Variants in NOS1 observed in about 807,000 individuals in gnomAD.
NOS1 encodes NOS type I.
In NOS1, 51 loss-of-function variants were observed where a neutral mutation model predicts 164.5. The ratio of observed to expected loss-of-function variants is 0.31; its 90% CI spans 0.25 to 0.39. The LOEUF (loss-of-function observed/expected upper bound fraction) is 0.39. NOS1 is among the 10% of genes least tolerant of loss of function. The probability of loss-of-function intolerance (pLI) is 1.00; values close to 1 mark genes in which losing one functional copy is unlikely to be tolerated. For missense variants in NOS1, 1,362 were observed against 1,885.6 expected, an observed-to-expected ratio of 0.72 and a Z score of 5.14; for synonymous variants, 719 against 745.8, an observed-to-expected ratio of 0.96 and a Z score of 0.59.
rs776853087 is a variant in NOS1 at position 117,268,024 on chromosome 12, G to A, written c.1941+19C>T. 7.1e-6 allele frequency: 11 copies of A among 1,554,578 alleles called. No homozygotes were observed. Among genetic ancestry groups the A allele is most frequent in the Non-Finnish European group, 9.8e-6 (11 of 1,127,018 alleles). ...TCTCATTTGAAGCTTGACCCTGGTG[G>A]TGCGGGCCCTGGTGTTACCTGGAAG... On this transcript the variant is annotated intron_variant, in intron 11 of 28. Transcript: ENST00000317775.
In NOS1 at chr12:117,323,658, G is replaced by A. The variant is rs901285687; in HGVS notation, c.725+6687C>T. Among the ~76,000 whole-genome samples, 4 of 152,274 alleles carry A rather than the reference G, an allele frequency of 2.6e-5. No individual in the cohort carries two copies. In the South Asian group the frequency reaches 6.2e-4, roughly 24 times the overall value. On this transcript the variant is annotated intron_variant, in intron 2 of 28. Transcript: ENST00000317775. ...TTGACCAGACTCATAATTATAAAAC[G>A]TAGGCTTGCCACAGAAGGAGCTTTC...
rs772628462 is a variant in NOS1, at chr12:117,291,654, C to A, written c.853-1228G>T. ...GCTCAAGCAATCCTTCCACCTCACC[C>A]TCCCAAGTAGCTGGGACTACAGGTG... On this transcript the variant is annotated intron_variant, in intron 3 of 28. Transcript: ENST00000317775. Among the ~76,000 whole-genome samples, 81 of 151,170 alleles carry A rather than the reference C, an allele frequency of 5.4e-4. 1 individual carries two copies. The highest frequency in any genetic ancestry group is 1.5e-4 in the Non-Finnish European group (10 of 67,852).
Position 117,274,788 on chromosome 12 carries a change from A to AG in NOS1, c.1665-2230_1665-2229insC, listed in dbSNP as rs1270721092. On this transcript the variant is annotated intron_variant, in intron 9 of 28. Transcript: ENST00000317775. ...GTCTCACAAAAAAAAAAAAAAAAAA[A>AG]AAAGAAAGGACATTAACATGTCAAA... Among the ~76,000 whole-genome samples, 43 of 151,182 alleles carry AG rather than the reference A, an allele frequency of 2.8e-4. 1 individual carries two copies. The highest frequency in any genetic ancestry group is 1.1e-3 in the Admixed American group (16 of 15,174).
intron 1 of NOS1, among the ~76,000 whole-genome samples, chr12:117,343,189 G>T (rs976353040): frequency 6.6e-6 from 1 of 150,832 alleles, no homozygotes; most frequent in Admixed American, 6.6e-5. Flanking sequence ...AATTAACTAC[G>T]ATTGTGCCAT....
In NOS1 at chr12:117,227,433, C is replaced by T. The variant is rs753666274; in HGVS notation, c.3614G>A (p.Arg1205Gln). The T allele has an allele frequency of 3.0e-5, 48 of 1,613,884 alleles. No homozygotes were observed. The highest frequency in any genetic ancestry group is 1.8e-4 in the South Asian group (16 of 91,016). Residue 1205 changes from arginine to glutamine, a missense_variant and splice_region_variant, in exon 23 of 29, where the codon CGA becomes CAA. This residue lies in a region of NOS1 where 737 missense variants were observed against 1,030.3 expected (regional missense o/e 0.72). Transcript: ENST00000317775. The part of the protein sequence containing the change: ...LTVAIVSYRT[R>Q]DGEGPIHHGV... ...GCTCTCCCAGTGCCTCCGCCCACCTCGAGTGCGGTAGGAAACGATGGCCAC... is the reference window on the plus strand; with the variant it reads ...GCTCTCCCAGTGCCTCCGCCCACCTTGAGTGCGGTAGGAAACGATGGCCAC...
chr12:117,226,819 G>C (rs775185014), intron 23 of NOS1, 49 bp from the exon 24 acceptor site: 2 of 1,451,000 alleles, frequency 1.4e-6, no homozygotes, highest in East Asian at 2.3e-5. Context: ...TCCCGAGCAC[G>C]GCCTCCCCTC....
intron 17 of NOS1, among the ~76,000 whole-genome samples, chr12:117,248,063 G>A (rs1341667034): frequency 1.3e-5 from 2 of 151,448 alleles, no homozygotes; most frequent in Non-Finnish European, 2.9e-5. Context: ...TTCTCTCTCT[G>A]GACATAGCAA....
At chr12:117,274,273 A>T (rs1873003459) in intron 9 of NOS1, among the ~76,000 whole-genome samples, 1 of 152,224 alleles carries the variant, frequency 6.6e-6, no homozygotes, top group South Asian at 2.1e-4. Flanking sequence ...ATAACATTTC[A>T]TCACAGTTAG....
intron 1 of NOS1, among the ~76,000 whole-genome samples, chr12:117,351,100 C>A (rs1212487963): frequency 6.6e-6 from 1 of 151,866 alleles, no homozygotes; most frequent in Non-Finnish European, 1.5e-5. Flanking sequence ...GGCGACAGAG[C>A]AAGACTCCGT....
chr12:117,266,013 A>G (rs1484175947), intron 11 of NOS1, among the ~76,000 whole-genome samples: 1 of 149,836 alleles, frequency 6.7e-6, no homozygotes, highest in Admixed American at 6.7e-5. Flanking sequence ...GTTAGCCAGG[A>G]TGGTCTCGAT....
intron 26 of NOS1, 138 bp downstream of exon 26, chr12:117,222,577 T>C (rs1956725054): frequency 2.6e-6 from 2 of 782,446 alleles, no homozygotes; most frequent in Admixed American, 2.4e-5. Flanking sequence ...TCCCTACCCA[T>C]GCTTTCTGAA....
At chr12:117,270,718 T>C (rs1210902153) in intron 10 of NOS1, among the ~76,000 whole-genome samples, 1 of 152,076 alleles carries the variant, frequency 6.6e-6, no homozygotes, top group South Asian at 2.1e-4. Context: ...ATTTTTTCCT[T>C]CCTGCTAGAA....
At chr12:117,328,358 T>TG (rs1490630754) in intron 2 of NOS1, among the ~76,000 whole-genome samples, 3 of 151,956 alleles carry the variant, frequency 2.0e-5, no homozygotes, top group African/African-American at 7.3e-5. Context: ...TTAGTGGAGA[T>TG]GGGGTTTCAC....
Position 117,301,777 on chromosome 12 carries a change from C to T in NOS1, c.852+9689G>A, listed in dbSNP as rs987898771. Among the ~76,000 whole-genome samples, 3 of 152,316 alleles carry T rather than the reference C, an allele frequency of 2.0e-5. No homozygotes were observed. In the East Asian group the frequency reaches 5.8e-4, roughly 29 times the overall value. On this transcript the variant is annotated intron_variant, in intron 3 of 28. Transcript: ENST00000317775. ...GGTCACAAAGGGGAGGAGATGCAGC[C>T]TTGTCATGACTCAATGGGTGGTCAC...
chr12:117,304,782 T>C (rs1874046373), intron 3 of NOS1, among the ~76,000 whole-genome samples: 1 of 152,178 alleles, frequency 6.6e-6, no homozygotes, highest in African/African-American at 2.4e-5. Flanking sequence ...CTCAGCCTCC[T>C]GAGATGGACT....
At chr12:117,299,302 C>T (rs1873637269) in intron 3 of NOS1, among the ~76,000 whole-genome samples, 1 of 152,212 alleles carries the variant, frequency 6.6e-6, no homozygotes, top group African/African-American at 2.4e-5. Flanking sequence ...ATTCAAAGCA[C>T]TATGTCTAAA....
intron 11 of NOS1, among the ~76,000 whole-genome samples, chr12:117,266,858 A>G (rs1446432410): frequency 2.6e-5 from 4 of 152,070 alleles, no homozygotes; most frequent in Admixed American, 6.6e-5. Context: ...GTTCATCTCA[A>G]TTACATCCCT....
chr12:117,232,963 G>T (rs987610378), intron 21 of NOS1, among the ~76,000 whole-genome samples: 1 of 151,040 alleles, frequency 6.6e-6, no homozygotes, highest in Non-Finnish European at 1.5e-5. Context: ...GAACTCCCGG[G>T]CTCAAGTAAT....
intron 7 of NOS1, among the ~76,000 whole-genome samples, chr12:117,283,036 TTA>T (rs397851004): frequency 0.012 from 1,513 of 125,320 alleles, 38 homozygotes; most frequent in East Asian, 0.056. Flanking sequence ...TCCTATAACA[TTA>T]TATATATATA....
Sources: allele counts gnomAD v4.1 joint callset (sites outside exome capture counted in the v4.1 genomes callset), GRCh38; gene constraint gnomAD v4.1.1; regional missense constraint gnomAD v4.1.1; transcripts MANE v1.5; gene names NCBI Gene and HGNC (gene_info 2026-07-23, HGNC 2026-07-21).